CDH18: variants seen among roughly 807,000 people sequenced by gnomAD.
CDH18 encodes cadherin-18.
A neutral mutation model predicts 67.9 loss-of-function variants in CDH18; 31 were observed. The observed-to-expected ratio is 0.46, with a 90% CI of 0.34 to 0.62. The LOEUF (loss-of-function observed/expected upper bound fraction) is 0.62. Ranked by LOEUF, CDH18 falls within the 20% of genes least tolerant of loss-of-function variation. The probability of loss-of-function intolerance (pLI) is 0.01; values close to 1 mark genes in which losing one functional copy is unlikely to be tolerated. For synonymous variants in CDH18, 362 were observed against 347.2 expected (o/e 1.04, Z -0.48); for missense variants, 890 against 975.5 (o/e 0.91, Z 1.17).
intron 2 of CDH18, among the ~76,000 whole-genome samples, chr5:20,107,157 T>C (rs2126306639): frequency 6.6e-6 from 1 of 151,506 alleles, no homozygotes; most frequent in Non-Finnish European, 1.5e-5. Context: ...CTCCTCTCAC[T>C]GCAAGCTCCG....
intron 1 of CDH18, among the ~76,000 whole-genome samples, chr5:20,509,086 T>G (rs1431094361): frequency 1.3e-5 from 2 of 152,196 alleles, no homozygotes; most frequent in African/African-American, 4.8e-5. Flanking sequence ...TTATCATTAA[T>G]TAGTGATAAA....
chr5:19,998,582 A>C (rs892129121), intron 2 of CDH18, among the ~76,000 whole-genome samples: 4 of 152,156 alleles, frequency 2.6e-5, no homozygotes, highest in Non-Finnish European at 5.9e-5. Flanking sequence ...AAATTTGAGG[A>C]GACATTTATA....
rs564158766 is a variant in CDH18 at position 20,546,009 on chromosome 5, A to T, written c.-580+29453T>A. On this transcript the variant is annotated intron_variant, in intron 1 of 14. Transcript: ENST00000507958. ...ATATCTTGAATGCTTTGCTGCTTAGAAATTTCTTCCACTAGATACACTACA... is the reference window on the plus strand; with the variant it reads ...ATATCTTGAATGCTTTGCTGCTTAGTAATTTCTTCCACTAGATACACTACA... 7.2e-4 allele frequency among the ~76,000 whole-genome samples: 109 copies of T among 152,234 alleles called. 1 individual carries two copies. Among genetic ancestry groups the T allele is most frequent in the African/African-American group, 2.6e-3 (109 of 41,538 alleles).
At chr5:20,572,236 G>A (rs1272077714) in intron 1 of CDH18, among the ~76,000 whole-genome samples, 2 of 151,710 alleles carry the variant, frequency 1.3e-5, no homozygotes, top group South Asian at 2.1e-4. Context: ...AAAAAAAAAG[G>A]TAATATTCTC....
At chr5:20,044,870 C>A (rs950034503) in intron 2 of CDH18, among the ~76,000 whole-genome samples, 1 of 151,920 alleles carries the variant, frequency 6.6e-6, no homozygotes, top group Non-Finnish European at 1.5e-5. Context: ...AAATATTTTC[C>A]CTCTATTTTT....
chr5:19,529,209 A>G (rs893001008), intron 9 of CDH18, among the ~76,000 whole-genome samples: 2 of 152,028 alleles, frequency 1.3e-5, no homozygotes, highest in African/African-American at 4.8e-5. Context: ...CTGGTTGTTT[A>G]ACATTTAAAA....
intron 6 of CDH18, among the ~76,000 whole-genome samples, chr5:19,593,744 C>CTTG (rs1745704797): frequency 8.6e-6 from 1 of 116,128 alleles, no homozygotes; most frequent in Non-Finnish European, 1.9e-5. Context: ...TCTTCTTCTT[C>CTTG]TTCTTCTTCT....
At chr5:20,322,704 A>G (rs1738154604) in intron 1 of CDH18, among the ~76,000 whole-genome samples, 1 of 152,016 alleles carries the variant, frequency 6.6e-6, no homozygotes, top group South Asian at 2.1e-4. Flanking sequence ...AAGCTGCAAG[A>G]AAAAAAATAT....
rs376960372 is a variant in CDH18, at chr5:20,152,933, T to C, written c.-518+102511A>G. ...GAATCCATATATAGACAACTAAGGA[T>C]GAGGAATTTTTTTTTTTTTTTTTTT... is the stretch of plus-strand genomic sequence containing the variant. On this transcript the variant is annotated intron_variant, in intron 2 of 14. Transcript: ENST00000507958. Among the ~76,000 whole-genome samples the C allele has an allele frequency of 6.4e-3, 948 of 147,854 alleles. 16 individuals are homozygous for C. Among genetic ancestry groups the C allele is most frequent in the African/African-American group, 0.022 (905 of 40,630 alleles).
intron 1 of CDH18, among the ~76,000 whole-genome samples, chr5:20,353,830 C>T (rs963215703): frequency 2.0e-5 from 3 of 152,194 alleles, no homozygotes; most frequent in African/African-American, 7.2e-5. Flanking sequence ...TCCTTTCATC[C>T]TTTCTCCCAC....
chr5:20,345,429 G>T, intron 1 of CDH18, among the ~76,000 whole-genome samples: 1 of 152,114 alleles, frequency 6.6e-6, no homozygotes, highest in Non-Finnish European at 1.5e-5. Flanking sequence ...ACGTGAAACA[G>T]CTTTAGCCAC....
At chr5:20,293,110 A>G (rs922634488) in intron 1 of CDH18, among the ~76,000 whole-genome samples, 1 of 152,150 alleles carries the variant, frequency 6.6e-6, no homozygotes, top group East Asian at 1.9e-4. Flanking sequence ...TAAGGTCAGG[A>G]GTTCAAGACC....
intron 2 of CDH18, among the ~76,000 whole-genome samples, chr5:20,207,221 A>T (rs1163688490): frequency 1.3e-5 from 2 of 152,034 alleles, no homozygotes; most frequent in Non-Finnish European, 2.9e-5. Context: ...GAAAAAAATT[A>T]AAAAAGTAAT....
At chr5:19,961,372 G>A (rs929306679) in intron 2 of CDH18, among the ~76,000 whole-genome samples, 7 of 151,896 alleles carry the variant, frequency 4.6e-5, no homozygotes, top group Admixed American at 6.6e-5. Flanking sequence ...CTCCCAAACC[G>A]CAAGGATTAC....
chr5:20,160,109 A>G lies in CDH18; in HGVS notation c.-518+95335T>C, dbSNP rs373033958. ...TAAAATGATATCTCACAATGCAAAG[A>G]AAAACTGTATATTAGATATCAAAAT... On this transcript the variant is annotated intron_variant, in intron 2 of 14. Transcript: ENST00000507958. Among the ~76,000 whole-genome samples the G allele has an allele frequency of 5.8e-4, 88 of 152,346 alleles. No individual in the cohort carries two copies. The South Asian group carries it at 0.016, about 28-fold the overall frequency.
intron 1 of CDH18, among the ~76,000 whole-genome samples, chr5:20,556,461 ACT>A (rs1757913742): frequency 6.6e-6 from 1 of 151,866 alleles, no homozygotes; most frequent in African/African-American, 2.4e-5. Context: ...CCAAATACTC[ACT>A]CTTTTTATTG....
chr5:20,323,549 T>C (rs557486399), intron 1 of CDH18, among the ~76,000 whole-genome samples: 2 of 152,214 alleles, frequency 1.3e-5, no homozygotes, highest in Non-Finnish European at 2.9e-5. Context: ...AGTACACAGA[T>C]AGTAACATAT....
rs759689344 is a variant in CDH18 at position 19,503,148 on chromosome 5, T to C, written c.1513-39A>G. 4 of 1,038,900 alleles carry C rather than the reference T, an allele frequency of 3.9e-6. No homozygotes were observed. In the South Asian group the frequency reaches 5.3e-5, roughly 14 times the overall value. The allele number at this position is 1,038,900 out of a possible 1,614,324, so 64.4% of individuals were successfully genotyped here. A position where few individuals can be genotyped will look rare whatever the true frequency, so the allele number is the denominator to read the frequency against. Reference sequence around the variant, plus strand: ...AAACTCTAAATCGTAAATTTAATTTTGCTTGTTCTCTTGATTTTAATTACA... The same window carrying C: ...AAACTCTAAATCGTAAATTTAATTTCGCTTGTTCTCTTGATTTTAATTACA... On this transcript the variant is annotated intron_variant, in intron 10 of 12. Coordinates refer to ENST00000382275, the MANE Select transcript of CDH18 (RefSeq NM_004934.5).
At chr5:19,945,568 T>C (rs930090418) in intron 2 of CDH18, among the ~76,000 whole-genome samples, 15 of 152,276 alleles carry the variant, frequency 9.9e-5, no homozygotes, top group African/African-American at 3.6e-4. Context: ...TTTAGTATTA[T>C]TTGACAAATA....
Sources: gnomAD v4.1 joint callset for allele counts (sites outside exome capture counted in the v4.1 genomes callset) on GRCh38, gnomAD v4.1.1 for gene constraint, MANE v1.5 for transcripts, NCBI Gene and HGNC (gene_info 2026-07-23, HGNC 2026-07-21) for gene names.